The following FAM120B variants were observed in gnomAD, a reference collection of about 807,000 sequenced individuals.
FAM120B encodes the protein family with sequence similarity 120 member B.
In FAM120B, 83 loss-of-function variants were observed where a neutral mutation model predicts 96.3. That is an observed-to-expected ratio of 0.86 (90% confidence interval 0.72 to 1.03). The LOEUF is 1.03. FAM120B is among the 50% of genes least tolerant of loss of function. FAM120B has a pLI of 0.00. For missense variants in FAM120B, 1,027 were observed against 1,121.2 expected (o/e 0.92, Z 1.20); for synonymous variants, 407 against 402.7 (o/e 1.01, Z -0.13).
Position 170,406,096 on chromosome 6 carries a change from T to C in FAM120B, c.*1345T>C, listed in dbSNP as rs959286579. On this transcript the variant is annotated 3_prime_UTR_variant, in exon 11 of 11. Coordinates refer to ENST00000476287, the MANE Select transcript of FAM120B (RefSeq NM_032448.3). ...AAGAATTGAAATTTTAAGCCCCAGA[T>C]TGTACTGAGCTGTACCTGTGGGAAA... is the stretch of plus-strand genomic sequence containing the variant. The C allele has an allele frequency of 1.3e-5, 2 of 152,238 alleles. No individual in the cohort carries two copies. Among genetic ancestry groups the C allele is most frequent in the Non-Finnish European group, 2.9e-5 (2 of 68,046 alleles). 9.4% of individuals were successfully genotyped at this position (152,238 alleles called of 1,614,324 possible).
At chr6:170,391,521 C>T (rs925499158) in intron 8 of FAM120B, among the ~76,000 whole-genome samples, 3 of 151,332 alleles carry the variant, frequency 2.0e-5, no homozygotes, top group African/African-American at 4.9e-5. Context: ...GGTGACAGAT[C>T]GAGACTCCAT....
intron 6 of FAM120B, among the ~76,000 whole-genome samples, chr6:170,385,156 A>G (rs1790117974): frequency 6.6e-6 from 1 of 152,242 alleles, no homozygotes. Context: ...TGTCCACAGT[A>G]AGCTAGAAAT....
chr6:170,317,813 A>C lies in FAM120B; in HGVS notation c.423A>C (p.Thr141=). 3 of 1,614,244 alleles carry C rather than the reference A, an allele frequency of 1.9e-6. No homozygotes were observed. Among genetic ancestry groups the C allele is most frequent in the Non-Finnish European group, 2.5e-6 (3 of 1,180,054 alleles). The change falls in exon 2 of 11, where the codon ACA becomes ACC. Residue 141 remains threonine, a synonymous_variant. Transcript: ENST00000476287. ...FFIPSGLAVF[T]RFALKTLGQE... ...TCCCCTCAGGGCTAGCTGTGTTTAC[A>C]CGATTTGCTCTAAAGACACTGGGCC...
At chr6:170,331,387 A>T (rs1055855248) in intron 4 of FAM120B, among the ~76,000 whole-genome samples, 8 of 152,262 alleles carry the variant, frequency 5.3e-5, no homozygotes, top group African/African-American at 1.9e-4. Context: ...CCAAGTACAG[A>T]TCTGAGCACT....
chr6:170,325,562 C>T (rs1477556481), intron 3 of FAM120B, among the ~76,000 whole-genome samples: 6 of 151,218 alleles, frequency 4.0e-5, no homozygotes, highest in Admixed American at 3.3e-4. Flanking sequence ...AGTAGTTGGC[C>T]GGGCACGGTA....
chr6:170,381,822 T>G (rs779521711), intron 6 of FAM120B, among the ~76,000 whole-genome samples: 1 of 151,420 alleles, frequency 6.6e-6, no homozygotes, highest in Non-Finnish European at 1.5e-5. Flanking sequence ...AAAAAAAAAC[T>G]TTCAGAAAAA....
chr6:170,391,643 C>T (rs547740045), intron 8 of FAM120B, among the ~76,000 whole-genome samples: 8 of 152,332 alleles, frequency 5.3e-5, no homozygotes, highest in Non-Finnish European at 1.0e-4. Context: ...AGAACTCTTT[C>T]TCTGCATGTG....
At chr6:170,362,885 A>G (rs765573772) in intron 6 of FAM120B, among the ~76,000 whole-genome samples, 3 of 151,500 alleles carry the variant, frequency 2.0e-5, no homozygotes, top group Non-Finnish European at 2.9e-5. Flanking sequence ...GGGTGTTGCT[A>G]TGTTGCCCAG....
intron 6 of FAM120B, among the ~76,000 whole-genome samples, chr6:170,369,568 T>G (rs1376320371): frequency 6.6e-6 from 1 of 152,112 alleles, no homozygotes; most frequent in African/African-American, 2.4e-5. Flanking sequence ...TGGAAAGGTC[T>G]CTCATGATAA....
At chr6:170,338,158 G>A (rs981166704) in intron 4 of FAM120B, among the ~76,000 whole-genome samples, 1 of 152,150 alleles carries the variant, frequency 6.6e-6, no homozygotes, top group African/African-American at 2.4e-5. Context: ...GCTTTCTGAT[G>A]TGGGCATTTA....
At chr6:170,392,467 A>G (rs762247918) in intron 8 of FAM120B, among the ~76,000 whole-genome samples, 40 of 152,230 alleles carry the variant, frequency 2.6e-4, no homozygotes, top group Non-Finnish European at 4.8e-4. Context: ...TCAAAAACCA[A>G]TTTGGTAGAT....
chr6:170,335,037 T>G (rs977043528), intron 4 of FAM120B, among the ~76,000 whole-genome samples: 1 of 149,840 alleles, frequency 6.7e-6, no homozygotes, highest in South Asian at 2.1e-4. Context: ...TTTTTTGAGT[T>G]TTTTTTTTGT....
At chr6:170,362,341 C>G (rs1288751520) in intron 6 of FAM120B, among the ~76,000 whole-genome samples, 2 of 152,158 alleles carry the variant, frequency 1.3e-5, no homozygotes, top group Non-Finnish European at 2.9e-5. Flanking sequence ...CAGCTGGTGC[C>G]CTTGTGGGCC....
At chr6:170,314,260 G>A (rs1193432871) in intron 1 of FAM120B, among the ~76,000 whole-genome samples, 1 of 152,220 alleles carries the variant, frequency 6.6e-6, no homozygotes, top group Non-Finnish European at 1.5e-5. Context: ...CTGCTTGAGG[G>A]CAGTGATTCT....
chr6:170,386,907 G>A (rs1790218089), intron 6 of FAM120B, among the ~76,000 whole-genome samples: 1 of 152,058 alleles, frequency 6.6e-6, no homozygotes, highest in African/African-American at 2.4e-5. Context: ...GACCAAGTTG[G>A]GTTTATTTTT....
At chr6:170,380,518 CTT>C (rs1412858737) in intron 6 of FAM120B, among the ~76,000 whole-genome samples, 1 of 152,160 alleles carries the variant, frequency 6.6e-6, no homozygotes, top group Admixed American at 6.5e-5. Context: ...GCACTTATCT[CTT>C]GTCTTTTTAG....
At chr6:170,351,065 G>A (rs1675838015) in intron 5 of FAM120B, among the ~76,000 whole-genome samples, 1 of 152,202 alleles carries the variant, frequency 6.6e-6, no homozygotes, top group Non-Finnish European at 1.5e-5. Flanking sequence ...GCAGCTGATA[G>A]CCATAATAGT....
chr6:170,343,449 A>T (rs1307795296), intron 4 of FAM120B, among the ~76,000 whole-genome samples: 1 of 152,120 alleles, frequency 6.6e-6, no homozygotes, highest in Admixed American at 6.5e-5. Context: ...ATAGGCATTC[A>T]ATAAATATTT....
At chr6:170,362,900 G>A (rs1788554958) in intron 6 of FAM120B, among the ~76,000 whole-genome samples, 1 of 151,894 alleles carries the variant, frequency 6.6e-6, no homozygotes, top group South Asian at 2.1e-4. Context: ...GCCCAGGATG[G>A]TCTCGAACTC....
Sources: gnomAD v4.1 joint callset for allele counts (sites outside exome capture counted in the v4.1 genomes callset) on GRCh38, gnomAD v4.1.1 for gene constraint, MANE v1.5 for transcripts, NCBI Gene and HGNC (gene_info 2026-07-23, HGNC 2026-07-21) for gene names.